The following CD200R1 variants were observed in gnomAD, a reference collection of about 807,000 sequenced individuals.
CD200R1 encodes cell surface glycoprotein CD200 receptor 1.
In CD200R1, 30 loss-of-function variants were observed where a neutral mutation model predicts 38.1. That is an observed-to-expected ratio of 0.79 (90% confidence interval 0.59 to 1.07). The LOEUF (loss-of-function observed/expected upper bound fraction) is 1.07. Ranked by LOEUF, CD200R1 falls within the 50% of genes least tolerant of loss-of-function variation. The pLI is 0.00. For synonymous variants in CD200R1, 128 were observed against 152.1 expected (o/e 0.84, Z 1.16); for missense variants, 372 against 415.4 (o/e 0.90, Z 0.91).
intron 2 of CD200R1, among the ~76,000 whole-genome samples, chr3:112,937,532 T>G (rs1940613453): frequency 1.3e-5 from 2 of 152,190 alleles, no homozygotes; most frequent in Admixed American, 6.5e-5. Flanking sequence ...GGTTCTCTAT[T>G]CTGTTCCATT....
chr3:112,968,912 A>C (rs55637984), intron 1 of CD200R1, among the ~76,000 whole-genome samples: 7,469 of 152,268 alleles, frequency 0.049, 270 homozygotes, highest in African/African-American at 0.098. Flanking sequence ...CAAAACCCAA[A>C]TAAAACTATT....
intron 7 of CD200R1, 106 bp from the exon 8 acceptor site, chr3:112,923,905 A>G: frequency 1.6e-6 from 1 of 635,272 alleles, no homozygotes; most frequent in Non-Finnish European, 2.7e-6. Flanking sequence ...CAGGTGCTCA[A>G]GAGTGCTTAT....
chr3:112,927,569 AAAAC>A (rs1309441338), intron 5 of CD200R1, among the ~76,000 whole-genome samples: 1 of 152,194 alleles, frequency 6.6e-6, no homozygotes, highest in Non-Finnish European at 1.5e-5. Context: ...GAAAGAGTTA[AAAAC>A]AAACAAATGT....
chr3:112,954,167 T>C (rs2107331714), intron 1 of CD200R1, among the ~76,000 whole-genome samples: 1 of 152,296 alleles, frequency 6.6e-6, no homozygotes, highest in Non-Finnish European at 1.5e-5. Context: ...TAATTTCTCT[T>C]TTAATTTTAT....
intron 1 of CD200R1, 21 bp from the exon 2 acceptor site, chr3:112,947,945 A>AG (rs1559951945): frequency 6.6e-7 from 1 of 1,522,590 alleles, no homozygotes; most frequent in Non-Finnish European, 9.1e-7. Context: ...AAAAAGACAT[A>AG]GGGGGTAGAG....
intron 1 of CD200R1, among the ~76,000 whole-genome samples, chr3:112,955,718 A>G (rs533011054): frequency 2.2e-4 from 34 of 152,082 alleles, no homozygotes; most frequent in Admixed American, 2.2e-3. Context: ...TTTATCTGAG[A>G]AAGTCTCTCT....
In CD200R1 at chr3:112,931,191, G is replaced by T. The variant is rs552551685; in HGVS notation, c.137-20C>A. ...TTGAAGCTAGAAAATATTTAGAGAA[G>T]AATAAATGAAATCAATTTTATGTAC... On this transcript the variant is annotated intron_variant, in intron 2 of 7. Transcript: ENST00000308611. 9 of 1,498,058 alleles carry T rather than the reference G, an allele frequency of 6.0e-6. No individual in the cohort carries two copies. The African/African-American group carries it at 1.1e-4, about 18-fold the overall frequency. 92.8% of individuals were successfully genotyped at this position (1,498,058 alleles called of 1,614,324 possible). A position where few individuals can be genotyped will look rare whatever the true frequency, so the allele number is the denominator to read the frequency against.
intron 1 of CD200R1, among the ~76,000 whole-genome samples, chr3:112,970,708 T>G (rs1175155158): frequency 6.6e-6 from 1 of 152,202 alleles, no homozygotes; most frequent in African/African-American, 2.4e-5. Context: ...ACTGAAATAT[T>G]CATGACCTTA....
At position 112,922,494 on chromosome 3, in the gene CD200R1, A is replaced by G. The variant is rs1178846232; in HGVS notation, c.*1183T>C. On this transcript the variant is annotated 3_prime_UTR_variant, in exon 8 of 8. Coordinates refer to ENST00000308611, the MANE Select transcript of CD200R1 (RefSeq NM_138806.4). ...CTCTATGGTGCATTTTTCGCCACTT[A>G]TATGGTCAATAGACATTAATTATTC... The G allele has an allele frequency of 6.6e-6, 1 of 151,888 alleles. No individual in the cohort carries two copies. Among genetic ancestry groups the G allele is most frequent in the Non-Finnish European group, 1.5e-5 (1 of 67,872 alleles). 9.4% of individuals were successfully genotyped at this position (151,888 alleles called of 1,614,324 possible).
At chr3:112,939,204 A>T (rs1940659046) in intron 2 of CD200R1, among the ~76,000 whole-genome samples, 1 of 152,008 alleles carries the variant, frequency 6.6e-6, no homozygotes, top group Admixed American at 6.6e-5. Context: ...TAAGAATTAG[A>T]AGAAGAATTA....
rs1164942019 is a variant in CD200R1, at chr3:112,921,966, A to C, written c.*1711T>G. 1 of 152,052 alleles carries C rather than the reference A, an allele frequency of 6.6e-6. No individual in the cohort carries two copies. Among genetic ancestry groups the C allele is most frequent in the Admixed American group, 6.6e-5 (1 of 15,226 alleles). The allele number at this position is 152,052 out of a possible 1,614,324, so 9.4% of individuals were successfully genotyped here. A position where few individuals can be genotyped will look rare whatever the true frequency, so the allele number is the denominator to read the frequency against. On this transcript the variant is annotated 3_prime_UTR_variant, in exon 8 of 8. Transcript: ENST00000308611. Reference sequence around the variant, plus strand: ...ACCAGGGTTGGATGAAGAATTAATAAATTTCAAGGACAGTGTAATGATGTC... The same window carrying C: ...ACCAGGGTTGGATGAAGAATTAATACATTTCAAGGACAGTGTAATGATGTC...
intron 1 of CD200R1, among the ~76,000 whole-genome samples, chr3:112,956,014 G>C (rs1941090704): frequency 6.6e-6 from 1 of 151,942 alleles, no homozygotes; most frequent in African/African-American, 2.4e-5. Context: ...TCTGATTGTA[G>C]AGTTTTGATT....
intron 2 of CD200R1, among the ~76,000 whole-genome samples, chr3:112,933,387 C>T (rs1940501643): frequency 6.6e-6 from 1 of 152,196 alleles, no homozygotes; most frequent in Non-Finnish European, 1.5e-5. Context: ...GGCTGGCAAA[C>T]CAACTCCCAG....
chr3:112,934,785 A>G (rs989007152), intron 2 of CD200R1, among the ~76,000 whole-genome samples: 1 of 152,118 alleles, frequency 6.6e-6, no homozygotes, highest in African/African-American at 2.4e-5. Context: ...AACCAAGATC[A>G]TGCCATTGCA....
At chr3:112,971,803 C>T (rs1170652574) in intron 1 of CD200R1, among the ~76,000 whole-genome samples, 3 of 152,126 alleles carry the variant, frequency 2.0e-5, no homozygotes, top group Non-Finnish European at 4.4e-5. Flanking sequence ...AGCTACAGCT[C>T]TTTCTCTCTC....
At position 112,921,265 on chromosome 3, in the gene CD200R1, A is replaced by G. The variant is rs1204270681; in HGVS notation, c.*2412T>C. On this transcript the variant is annotated 3_prime_UTR_variant, in exon 8 of 8. Transcript: ENST00000308611. ...TATGCTGATGGTTTCACAGATGTAA[A>G]ACTATGTCAACATTTACCAAAGTCC... 6.6e-6 allele frequency: 1 copy of G among 152,068 alleles called. No individual in the cohort carries two copies. Among genetic ancestry groups the G allele is most frequent in the Non-Finnish European group, 1.5e-5 (1 of 67,994 alleles). 9.4% of individuals were successfully genotyped at this position (152,068 alleles called of 1,614,324 possible).
At chr3:112,948,386 A>T (rs774823924) in intron 1 of CD200R1, among the ~76,000 whole-genome samples, 5 of 152,216 alleles carry the variant, frequency 3.3e-5, no homozygotes. Context: ...CCTTTTTGGC[A>T]CCAGGGACCC....
In CD200R1 at chr3:112,923,497, G is replaced by T; in HGVS notation, c.*180C>A. 4.9e-6 allele frequency: 2 copies of T among 406,502 alleles called. No individual in the cohort carries two copies. The highest frequency in any genetic ancestry group is 8.8e-6 in the Non-Finnish European group (2 of 228,306). 25.2% of individuals were successfully genotyped at this position (406,502 alleles called of 1,614,324 possible). Reference sequence around the variant, plus strand: ...TTCTTCAGAGAACTAGCTGGTAGCAGCTAAGAATCAAAAATTCCAATTATA... The same window carrying T: ...TTCTTCAGAGAACTAGCTGGTAGCATCTAAGAATCAAAAATTCCAATTATA... On this transcript the variant is annotated 3_prime_UTR_variant, in exon 8 of 8. Coordinates refer to ENST00000308611, the MANE Select transcript of CD200R1 (RefSeq NM_138806.4).
chr3:112,945,831 C>A (rs1028531364), intron 2 of CD200R1, among the ~76,000 whole-genome samples: 1 of 152,026 alleles, frequency 6.6e-6, no homozygotes, highest in African/African-American at 2.4e-5. Context: ...AAATCGAGAC[C>A]ATCTTGGCTA....
Sources: gnomAD v4.1 joint callset for allele counts (sites outside exome capture counted in the v4.1 genomes callset) on GRCh38, gnomAD v4.1.1 for gene constraint, MANE v1.5 for transcripts, NCBI Gene and HGNC (gene_info 2026-07-23, HGNC 2026-07-21) for gene names.